Variants in HS6ST3 observed in about 807,000 individuals in gnomAD.
HS6ST3 encodes the protein heparan-sulfate 6-O-sulfotransferase 3.
A neutral mutation model predicts 36.7 loss-of-function variants in HS6ST3; 12 were observed. The ratio of observed to expected loss-of-function variants is 0.33; its 90% confidence interval spans 0.21 to 0.53. HS6ST3 has a LOEUF of 0.53. Ranked by LOEUF, HS6ST3 falls within the 20% of genes least tolerant of loss-of-function variation. HS6ST3 has a pLI of 0.95. For synonymous variants in HS6ST3, 240 were observed against 257.5 expected, an observed-to-expected ratio of 0.93 and a Z score of 0.65; for missense variants, 584 against 640.9, an observed-to-expected ratio of 0.91 and a Z score of 0.96.
chr13:96,600,330 A>ACACG (rs2056416871), intron 1 of HS6ST3, among the ~76,000 whole-genome samples: 1 of 1,760 alleles, frequency 5.7e-4, no homozygotes, highest in South Asian at 0.025. Flanking sequence ...GGAGTTAGGT[A>ACACG]CACACACACA....
intron 1 of HS6ST3, among the ~76,000 whole-genome samples, chr13:96,736,450 G>A (rs1325121223): frequency 1.3e-5 from 2 of 152,092 alleles, no homozygotes; most frequent in Non-Finnish European, 2.9e-5. Context: ...ATCAAATAAT[G>A]TAGTATCAAA....
At chr13:96,408,996 A>C (rs1280052018) in intron 1 of HS6ST3, among the ~76,000 whole-genome samples, 2 of 152,236 alleles carry the variant, frequency 1.3e-5, no homozygotes, top group African/African-American at 4.8e-5. Flanking sequence ...AGACCAGAGG[A>C]ATGTGCCATT....
intron 1 of HS6ST3, among the ~76,000 whole-genome samples, chr13:96,457,866 T>C (rs1380091606): frequency 5.3e-5 from 8 of 152,312 alleles, no homozygotes; most frequent in African/African-American, 1.9e-4. Flanking sequence ...TTCCTTTTTC[T>C]TCTTTTTTTA....
At chr13:96,799,976 A>ATATGTG (rs1746399662) in intron 1 of HS6ST3, among the ~76,000 whole-genome samples, 1 of 88,920 alleles carries the variant, frequency 1.1e-5, no homozygotes, top group African/African-American at 6.5e-5. Flanking sequence ...GTATATATAT[A>ATATGTG]TATATGTATA....
At chr13:96,522,782 A>G (rs2056098897) in intron 1 of HS6ST3, among the ~76,000 whole-genome samples, 1 of 152,152 alleles carries the variant, frequency 6.6e-6, no homozygotes, top group Non-Finnish European at 1.5e-5. Flanking sequence ...GGTCCCCTGA[A>G]TACAGCACAC....
intron 1 of HS6ST3, among the ~76,000 whole-genome samples, chr13:96,206,961 G>T (rs772869934): frequency 6.6e-6 from 1 of 152,068 alleles, no homozygotes; most frequent in African/African-American, 2.4e-5. Flanking sequence ...TGACAAATGC[G>T]ATCTAATTAA....
At chr13:96,447,742 A>G (rs577447475) in intron 1 of HS6ST3, among the ~76,000 whole-genome samples, 8 of 152,304 alleles carry the variant, frequency 5.3e-5, no homozygotes, top group Admixed American at 2.0e-4. Context: ...CCTGAGCCCT[A>G]TGCAAATCAG....
At chr13:96,643,685 A>T (rs1367118652) in intron 1 of HS6ST3, among the ~76,000 whole-genome samples, 2 of 151,872 alleles carry the variant, frequency 1.3e-5, no homozygotes, top group African/African-American at 4.8e-5. Flanking sequence ...CTGTGAGTGG[A>T]GTCTTCCAGG....
rs1566322116 is a variant in HS6ST3, at chr13:96,317,357, TATATATATATAAAATTA to T, written c.707+225789_707+225805del. On this transcript the variant is annotated intron_variant, in intron 1 of 1. Coordinates refer to ENST00000376705, the MANE Select transcript of HS6ST3 (RefSeq NM_153456.4). ...ATATATATATATATATATATATATATATATATATATAAAATTATATATATATATATATATATATCATG... is the reference window on the plus strand; with the variant it reads ...ATATATATATATATATATATATATATTATATATATATATATATATATCATG... Among the ~76,000 whole-genome samples the T allele has an allele frequency of 9.1e-3, 165 of 18,228 alleles. 1 individual carries two copies. Among genetic ancestry groups the T allele is most frequent in the Non-Finnish European group, 0.013 (126 of 9,958 alleles). 12.0% of individuals were successfully genotyped at this position (18,228 alleles called of 152,430 possible).
intron 1 of HS6ST3, among the ~76,000 whole-genome samples, chr13:96,616,351 G>A (rs568216795): frequency 1.3e-5 from 2 of 151,988 alleles, no homozygotes; most frequent in Non-Finnish European, 2.9e-5. Context: ...ACATTCTCTT[G>A]GATTAAAGAT....
chr13:96,153,079 C>G (rs61968011), intron 1 of HS6ST3, among the ~76,000 whole-genome samples: 4,706 of 152,252 alleles, frequency 0.031, 91 homozygotes, highest in Middle Eastern at 0.037. Flanking sequence ...TTTGGATGCT[C>G]TGTCACCTTT....
chr13:96,778,685 G>A (rs528475541), intron 1 of HS6ST3, among the ~76,000 whole-genome samples: 1 of 152,316 alleles, frequency 6.6e-6, no homozygotes, highest in South Asian at 2.1e-4. Context: ...CGGCGGAGAG[G>A]ATGTGGAGAA....
intron 1 of HS6ST3, among the ~76,000 whole-genome samples, chr13:96,550,689 C>T (rs894816167): frequency 2.6e-5 from 4 of 151,396 alleles, no homozygotes; most frequent in Admixed American, 2.0e-4. Flanking sequence ...CAAAACTTGG[C>T]GTAATTATGT....
intron 1 of HS6ST3, among the ~76,000 whole-genome samples, chr13:96,485,692 A>G (rs931413085): frequency 9.2e-5 from 14 of 152,234 alleles, no homozygotes; most frequent in Non-Finnish European, 1.8e-4. Context: ...ACCATTAACT[A>G]TGATGTTTGT....
At chr13:96,391,990 A>G (rs993364562) in intron 1 of HS6ST3, among the ~76,000 whole-genome samples, 2 of 152,216 alleles carry the variant, frequency 1.3e-5, no homozygotes, top group Non-Finnish European at 2.9e-5. Context: ...ATGTTGAACA[A>G]ATGTTTAGAT....
intron 1 of HS6ST3, among the ~76,000 whole-genome samples, chr13:96,332,776 A>G (rs949014006): frequency 1.3e-5 from 2 of 152,210 alleles, no homozygotes; most frequent in Non-Finnish European, 2.9e-5. Context: ...TGTAGTGTCT[A>G]TTTATATGTT....
chr13:96,793,634 A>C (rs777591973), intron 1 of HS6ST3, among the ~76,000 whole-genome samples: 4 of 152,058 alleles, frequency 2.6e-5, no homozygotes, highest in Non-Finnish European at 5.9e-5. Flanking sequence ...GATTTACTGT[A>C]TTTTTACCTC....
At chr13:96,341,112 A>G (rs2055127941) in intron 1 of HS6ST3, among the ~76,000 whole-genome samples, 1 of 152,194 alleles carries the variant, frequency 6.6e-6, no homozygotes, top group African/African-American at 2.4e-5. Context: ...CAGTTTTCAA[A>G]TGGAGAAGAG....
chr13:96,829,115 C>T (rs1204295504), intron 1 of HS6ST3, among the ~76,000 whole-genome samples: 1 of 151,990 alleles, frequency 6.6e-6, no homozygotes, highest in Non-Finnish European at 1.5e-5. Context: ...TTTTCTTTTT[C>T]CTTTTCTCTC....
Sources: gnomAD v4.1 joint callset for allele counts (sites outside exome capture counted in the v4.1 genomes callset) on GRCh38, gnomAD v4.1.1 for gene constraint, MANE v1.5 for transcripts, NCBI Gene and HGNC (gene_info 2026-07-23, HGNC 2026-07-21) for gene names.